The following TTLL7 variants were observed in gnomAD, a reference collection of about 807,000 sequenced individuals.
TTLL7 encodes tubulin tyrosine ligase like 7.
Under a neutral mutation model 120.2 loss-of-function variants are expected in TTLL7, and 53 were observed. The observed-to-expected ratio is 0.44, with a 90% CI of 0.35 to 0.55. The LOEUF is 0.55. Among genes scored for constraint, TTLL7 ranks in the 20% least tolerant of loss-of-function variants. TTLL7 has a pLI of 0.00. For synonymous variants in TTLL7, 353 were observed against 351.7 expected (o/e 1.00, Z -0.04); for missense variants, 803 against 1,054.7 (o/e 0.76, Z 3.31).
chr1:83,921,602 C>T (rs1040217917), intron 10 of TTLL7, among the ~76,000 whole-genome samples: 4 of 152,062 alleles, frequency 2.6e-5, no homozygotes, highest in Non-Finnish European at 5.9e-5. Flanking sequence ...TCTGAAGATA[C>T]AGAGACAAAA....
At chr1:83,941,072 T>C (rs1215993992) in intron 7 of TTLL7, among the ~76,000 whole-genome samples, 1 of 152,150 alleles carries the variant, frequency 6.6e-6, no homozygotes, top group Non-Finnish European at 1.5e-5. Context: ...CTCTGAGCCA[T>C]TCTTTTGCCT....
rs1652986251 is a variant in TTLL7, at chr1:83,867,415, T to C, written c.*2547A>G. 6.6e-6 allele frequency: 1 copy of C among 151,954 alleles called. No individual in the cohort carries two copies. The highest frequency in any genetic ancestry group is 2.4e-5 in the African/African-American group (1 of 41,418). The allele number at this position is 151,954 out of a possible 1,614,324, so 9.4% of individuals were successfully genotyped here. A position where few individuals can be genotyped will look rare whatever the true frequency, so the allele number is the denominator to read the frequency against. ...AGTCTAAATAGGCAAATGAAGGCAA[T>C]AAAATTGTAACGCTCAAAATAAGGC... is the stretch of plus-strand genomic sequence containing the variant. On this transcript the variant is annotated 3_prime_UTR_variant, in exon 21 of 21. Coordinates refer to ENST00000260505, the MANE Select transcript of TTLL7 (RefSeq NM_024686.6).
At chr1:83,985,598 C>T (rs1652368408) in intron 1 of TTLL7, among the ~76,000 whole-genome samples, 1 of 152,130 alleles carries the variant, frequency 6.6e-6, no homozygotes, top group African/African-American at 2.4e-5. Flanking sequence ...AAGTCACCAA[C>T]ATCAAAAATG....
In TTLL7 at chr1:83,958,359, T is replaced by C. The variant is rs1401900395; in HGVS notation, c.-176-5972A>G. 3.3e-5 allele frequency among the ~76,000 whole-genome samples: 5 copies of C among 152,176 alleles called. No homozygotes were observed. In the East Asian group the frequency reaches 9.6e-4, roughly 29 times the overall value. On this transcript the variant is annotated intron_variant, in intron 1 of 20. Transcript: ENST00000260505. ...ATTATCGGATGAAAGACATTTCTAC[T>C]ATCACTTCCAAAAAAAAGAGAAAAA... is the stretch of plus-strand genomic sequence containing the variant.
intron 10 of TTLL7, among the ~76,000 whole-genome samples, chr1:83,924,942 T>C (rs1285395166): frequency 6.6e-6 from 1 of 151,794 alleles, no homozygotes; most frequent in African/African-American, 2.4e-5. Context: ...AAGTGCCTTG[T>C]ATATAATATA....
intron 1 of TTLL7, among the ~76,000 whole-genome samples, chr1:83,982,982 C>G (rs139444563): frequency 9.9e-5 from 15 of 152,218 alleles, no homozygotes; most frequent in African/African-American, 3.6e-4. Flanking sequence ...ACAGAGAACA[C>G]AGAAATAAAG....
At chr1:83,957,622 T>C (rs950251205) in intron 1 of TTLL7, among the ~76,000 whole-genome samples, 1 of 152,070 alleles carries the variant, frequency 6.6e-6, no homozygotes, top group South Asian at 2.1e-4. Context: ...ATCTAATAGG[T>C]TGAAGTGGTT....
At chr1:83,952,411 C>T (rs1172051608) in intron 1 of TTLL7, 24 bp from the exon 2 acceptor site, 5 of 466,526 alleles carry the variant, frequency 1.1e-5, no homozygotes, top group Admixed American at 4.1e-5. Context: ...AAAACAAGGT[C>T]ATTTAGAAAA....
chr1:83,943,331 A>G (rs1648160926), intron 6 of TTLL7, among the ~76,000 whole-genome samples: 1 of 152,168 alleles, frequency 6.6e-6, no homozygotes, highest in African/African-American at 2.4e-5. Context: ...GACCAGTTAC[A>G]TGCCCAAGGT....
intron 9 of TTLL7, among the ~76,000 whole-genome samples, chr1:83,930,476 A>G (rs936895345): frequency 6.6e-6 from 1 of 152,156 alleles, no homozygotes; most frequent in African/African-American, 2.4e-5. Context: ...AACGGCAATA[A>G]CATCCATTTA....
At chr1:83,910,203 G>A (rs577439412) in intron 15 of TTLL7, among the ~76,000 whole-genome samples, 3 of 152,202 alleles carry the variant, frequency 2.0e-5, no homozygotes, top group East Asian at 3.9e-4. Context: ...TGCCGTAAGT[G>A]TTTAAGGCCA....
chr1:83,967,904 G>A (rs1451139249), intron 1 of TTLL7, among the ~76,000 whole-genome samples: 2 of 151,918 alleles, frequency 1.3e-5, no homozygotes, highest in Non-Finnish European at 2.9e-5. Context: ...ATAATTTCAT[G>A]ACTCTTGAAA....
intron 1 of TTLL7, among the ~76,000 whole-genome samples, chr1:83,991,463 T>C (rs1571414117): frequency 6.6e-6 from 1 of 152,158 alleles, no homozygotes; most frequent in South Asian, 2.1e-4. Context: ...TTGGGCAATA[T>C]GGCAAAACCC....
chr1:83,902,507 C>T lies in TTLL7; in HGVS notation c.2208+1572G>A, dbSNP rs570698344. Among the ~76,000 whole-genome samples the T allele has an allele frequency of 2.0e-5, 3 of 152,148 alleles. No individual in the cohort carries two copies. In the South Asian group the frequency reaches 6.2e-4, roughly 32 times the overall value. ...GTGCTCAGCTTACAACCTCTGTCAGCAATATGTGACACAATTGATTACTCT... is the reference window on the plus strand; with the variant it reads ...GTGCTCAGCTTACAACCTCTGTCAGTAATATGTGACACAATTGATTACTCT... On this transcript the variant is annotated intron_variant, in intron 18 of 20. Transcript: ENST00000260505.
At chr1:83,994,667 G>A (rs2100656898) in intron 1 of TTLL7, among the ~76,000 whole-genome samples, 1 of 152,276 alleles carries the variant, frequency 6.6e-6, no homozygotes, top group South Asian at 2.1e-4. Context: ...AAATGTACAG[G>A]GGAGGCAGGA....
At chr1:83,938,775 A>G (rs1321838693) in intron 7 of TTLL7, among the ~76,000 whole-genome samples, 1 of 152,248 alleles carries the variant, frequency 6.6e-6, no homozygotes, top group Non-Finnish European at 1.5e-5. Context: ...TTATCAAGCT[A>G]GCACAAGCAT....
intron 14 of TTLL7, among the ~76,000 whole-genome samples, chr1:83,915,310 C>G (rs1658047327): frequency 6.6e-6 from 1 of 152,082 alleles, no homozygotes. Context: ...ACCAATGGAA[C>G]AGAACAGAGC....
chr1:83,995,003 C>T (rs186270850), intron 1 of TTLL7, among the ~76,000 whole-genome samples: 212 of 152,194 alleles, frequency 1.4e-3, no homozygotes, highest in African/African-American at 4.9e-3. Context: ...CACATATTCT[C>T]CTTCTCTGAC....
intron 7 of TTLL7, among the ~76,000 whole-genome samples, chr1:83,938,832 ATTAC>A (rs1647662470): frequency 6.6e-6 from 1 of 152,184 alleles, no homozygotes; most frequent in Admixed American, 6.5e-5. Flanking sequence ...GATCCTAAAG[ATTAC>A]TTGAGAGAGC....
Sources: gnomAD v4.1 joint callset for allele counts (sites outside exome capture counted in the v4.1 genomes callset) on GRCh38, gnomAD v4.1.1 for gene constraint, MANE v1.5 for transcripts, NCBI Gene and HGNC (gene_info 2026-07-23, HGNC 2026-07-21) for gene names.